HCN1: variants seen among roughly 807,000 people sequenced by gnomAD.
HCN1 encodes the protein potassium/sodium hyperpolarization-activated cyclic nucleotide-gated channel 1.
Under a neutral mutation model 78.9 loss-of-function variants are expected in HCN1, and 13 were observed. The observed-to-expected ratio is 0.16, with a 90% CI of 0.11 to 0.26. HCN1 has a LOEUF of 0.26. Ranked by LOEUF, HCN1 falls within the 10% of genes least tolerant of loss-of-function variation. HCN1 has a pLI of 1.00. For missense variants in HCN1, 810 were observed against 1,154.3 expected (o/e 0.70, Z 4.32); for synonymous variants, 552 against 455.5 (o/e 1.21, Z -2.70).
chr5:45,461,834 G>A lies in HCN1; in HGVS notation c.1011+12C>T, dbSNP rs755646529. ...TGAAAAGTCAGAGTGTAAAATAACA[G>A]AATTTACTTACAACCATTTCATTTA... On this transcript the variant is annotated intron_variant, in intron 3 of 7. Transcript: ENST00000303230. The A allele has an allele frequency of 1.2e-6, 2 of 1,610,576 alleles. No homozygotes were observed. Among genetic ancestry groups the A allele is most frequent in the Non-Finnish European group, 8.5e-7 (1 of 1,177,238 alleles).
chr5:45,452,946 G>T (rs1740952957), intron 3 of HCN1, among the ~76,000 whole-genome samples: 1 of 151,998 alleles, frequency 6.6e-6, no homozygotes, highest in Non-Finnish European at 1.5e-5. Context: ...TTATCACATG[G>T]CTTTCTTCAT....
intron 2 of HCN1, among the ~76,000 whole-genome samples, chr5:45,580,908 G>C (rs1744055154): frequency 6.6e-6 from 1 of 152,170 alleles, no homozygotes; most frequent in Admixed American, 6.5e-5. Context: ...TGGTGTGTAT[G>C]TGCCACATTT....
At chr5:45,377,208 A>T (rs894660243) in intron 4 of HCN1, among the ~76,000 whole-genome samples, 1 of 152,030 alleles carries the variant, frequency 6.6e-6, no homozygotes, top group African/African-American at 2.4e-5. Context: ...CTGCTCAAAC[A>T]AAAATGGACA....
intron 5 of HCN1, 43 bp from the exon 6 acceptor site, chr5:45,303,882 TCATATCTGGAAGAAAAA>T: frequency 6.4e-7 from 1 of 1,553,356 alleles, no homozygotes. Flanking sequence ...GAGATATTAA[TCATATCTGGAAGAAAAA>T]CATGCTGAAA....
intron 6 of HCN1, among the ~76,000 whole-genome samples, chr5:45,272,729 G>C (rs1275622150): frequency 6.6e-6 from 1 of 151,884 alleles, no homozygotes; most frequent in Non-Finnish European, 1.5e-5. Context: ...TTATAATAAA[G>C]AAAACTATCT....
chr5:45,287,682 T>G (rs945624247), intron 6 of HCN1, among the ~76,000 whole-genome samples: 2 of 152,048 alleles, frequency 1.3e-5, no homozygotes, highest in Non-Finnish European at 2.9e-5. Context: ...TGATTATTTA[T>G]TCCACCCTTA....
chr5:45,568,100 G>A (rs1038690788), intron 2 of HCN1, among the ~76,000 whole-genome samples: 1 of 151,828 alleles, frequency 6.6e-6, no homozygotes, highest in African/African-American at 2.4e-5. Context: ...TTTTGTTTTT[G>A]TATTGGCTAT....
chr5:45,508,792 T>C (rs991900189), intron 2 of HCN1, among the ~76,000 whole-genome samples: 1 of 152,156 alleles, frequency 6.6e-6, no homozygotes, highest in African/African-American at 2.4e-5. Context: ...GTAGGCTATA[T>C]TGTATTATTT....
intron 5 of HCN1, among the ~76,000 whole-genome samples, chr5:45,318,307 C>T (rs1200953410): frequency 1.3e-5 from 2 of 151,948 alleles, no homozygotes; most frequent in African/African-American, 2.4e-5. Context: ...AGAAAACTAT[C>T]GCAAGGACAA....
intron 3 of HCN1, among the ~76,000 whole-genome samples, chr5:45,423,643 A>G (rs1490108170): frequency 4.6e-5 from 7 of 152,170 alleles, no homozygotes; most frequent in Non-Finnish European, 1.0e-4. Flanking sequence ...TAGACTTGCT[A>G]TACAAATTCT....
intron 2 of HCN1, among the ~76,000 whole-genome samples, chr5:45,468,727 G>A (rs1741331135): frequency 6.6e-6 from 1 of 151,984 alleles, no homozygotes; most frequent in South Asian, 2.1e-4. Context: ...CAACAAATGG[G>A]AAACTTAAGA....
In HCN1 at chr5:45,414,445, A is replaced by T. The variant is rs1003657486; in HGVS notation, c.1012-17735T>A. Among the ~76,000 whole-genome samples the T allele has an allele frequency of 1.1e-4, 16 of 152,144 alleles. No individual in the cohort carries two copies. In the East Asian group the frequency reaches 1.4e-3, roughly 13 times the overall value. ...TGTCTCTACTCAGCTTTACACAAAC[A>T]TCCCAAATCTGTGTGTCCAAACTGA... On this transcript the variant is annotated intron_variant, in intron 3 of 7. Transcript: ENST00000303230.
chr5:45,529,496 C>T lies in HCN1; in HGVS notation c.850-67489G>A, dbSNP rs1438112730. 5.3e-5 allele frequency among the ~76,000 whole-genome samples: 8 copies of T among 151,796 alleles called. No individual in the cohort carries two copies. In the East Asian group the frequency reaches 1.4e-3, roughly 26 times the overall value. On this transcript the variant is annotated intron_variant, in intron 2 of 7. Coordinates refer to ENST00000303230, the MANE Select transcript of HCN1 (RefSeq NM_021072.4). ...AGGCTCCTGCTCACCTAAAATATGT[C>T]AAAGTAATAAGGAAATATTGTGTAA...
intron 3 of HCN1, among the ~76,000 whole-genome samples, chr5:45,413,661 T>C (rs1446955080): frequency 6.6e-6 from 1 of 152,080 alleles, no homozygotes; most frequent in Non-Finnish European, 1.5e-5. Context: ...ATATTCAGTA[T>C]TTTAAATGGC....
intron 5 of HCN1, among the ~76,000 whole-genome samples, chr5:45,326,968 A>C (rs1746246854): frequency 6.6e-6 from 1 of 151,702 alleles, no homozygotes; most frequent in Non-Finnish European, 1.5e-5. Context: ...TTATAAAGGG[A>C]AAAATATAGA....
At chr5:45,444,996 C>G (rs1457973857) in intron 3 of HCN1, among the ~76,000 whole-genome samples, 1 of 152,260 alleles carries the variant, frequency 6.6e-6, no homozygotes. Flanking sequence ...ATCTGAGGTA[C>G]CAGGTTCATC....
intron 2 of HCN1, among the ~76,000 whole-genome samples, chr5:45,593,361 C>CAA (rs1744423638): frequency 6.6e-6 from 1 of 151,732 alleles, no homozygotes; most frequent in African/African-American, 2.4e-5. Context: ...CACACACACA[C>CAA]ACACACACAC....
At chr5:45,605,019 G>C (rs1744697864) in intron 2 of HCN1, among the ~76,000 whole-genome samples, 1 of 151,948 alleles carries the variant, frequency 6.6e-6, no homozygotes, top group Non-Finnish European at 1.5e-5. Context: ...TATATTACCT[G>C]CTATTAACAT....
rs904443416 is a variant in HCN1 at position 45,600,019 on chromosome 5, A to T, written c.849+45166T>A. 1.6e-4 allele frequency among the ~76,000 whole-genome samples: 24 copies of T among 152,250 alleles called. 1 individual carries two copies. The highest frequency in any genetic ancestry group is 3.4e-3 in the Middle Eastern group (1 of 294). On this transcript the variant is annotated intron_variant, in intron 2 of 7. Coordinates refer to ENST00000303230, the MANE Select transcript of HCN1 (RefSeq NM_021072.4). ...TAACTCAGCACCTATTGGTTTCAGC[A>T]GGCTAAAGACTAAAAGCACTATCAA...
Sources: allele counts gnomAD v4.1 joint callset (sites outside exome capture counted in the v4.1 genomes callset), GRCh38; gene constraint gnomAD v4.1.1; transcripts MANE v1.5; gene names NCBI Gene and HGNC (gene_info 2026-07-23, HGNC 2026-07-21).